The following RAD54B variants were observed in gnomAD, a reference collection of about 807,000 sequenced individuals.
RAD54B encodes the protein RAD54 homolog B, also known as DNA repair and recombination protein RAD54B.
Under a neutral mutation model 95.8 loss-of-function variants are expected in RAD54B, and 78 were observed. The observed-to-expected ratio is 0.81, with a 90% confidence interval of 0.68 to 0.98. RAD54B has a LOEUF of 0.98. Among genes scored for constraint, RAD54B ranks in the 50% least tolerant of loss-of-function variants. RAD54B has a pLI of 0.00. For synonymous variants in RAD54B, 328 were observed against 354.9 expected, an observed-to-expected ratio of 0.92 and a Z score of 0.85; for missense variants, 957 against 1,056.6, an observed-to-expected ratio of 0.91 and a Z score of 1.31.
Position 94,435,089 on chromosome 8 carries a change from C to T in RAD54B, c.304+23179G>A, listed in dbSNP as rs547603806. On this transcript the variant is annotated intron_variant, in intron 3 of 14. Coordinates refer to ENST00000336148, the MANE Select transcript of RAD54B (RefSeq NM_012415.3). ...ACCAAAGGGTACAGTTTTATACCTG[C>T]GATGCAAAAAACACTTTTCTCCATG... is the stretch of plus-strand genomic sequence containing the variant. 5.3e-4 allele frequency among the ~76,000 whole-genome samples: 80 copies of T among 151,976 alleles called. 2 individuals are homozygous for T. In the East Asian group the frequency reaches 8.9e-3, roughly 17 times the overall value.
intron 3 of RAD54B, among the ~76,000 whole-genome samples, chr8:94,424,281 C>T (rs1171872780): frequency 6.6e-6 from 1 of 152,182 alleles, no homozygotes; most frequent in Non-Finnish European, 1.5e-5. Context: ...AGTTACTTAA[C>T]ACCTTTGTGC....
chr8:94,463,777 T>A (rs889006829), intron 2 of RAD54B, among the ~76,000 whole-genome samples: 3 of 150,930 alleles, frequency 2.0e-5, no homozygotes, highest in Admixed American at 6.6e-5. Flanking sequence ...AATTTAAAAA[T>A]GATGGCACAT....
At chr8:94,449,035 TACACACATGCATGC>T (rs1476122646) in intron 3 of RAD54B, among the ~76,000 whole-genome samples, 2 of 131,860 alleles carry the variant, frequency 1.5e-5, no homozygotes, top group African/African-American at 6.1e-5. Flanking sequence ...TGCATATACA[TACACACATGCATGC>T]ACACACACAC....
At chr8:94,452,882 T>G (rs1321657670) in intron 3 of RAD54B, among the ~76,000 whole-genome samples, 1 of 152,188 alleles carries the variant, frequency 6.6e-6, no homozygotes, top group African/African-American at 2.4e-5. Context: ...TAACACTGTT[T>G]AACTTAGATT....
At chr8:94,406,226 T>C (rs1245146790) in intron 5 of RAD54B, among the ~76,000 whole-genome samples, 1 of 152,114 alleles carries the variant, frequency 6.6e-6, no homozygotes, top group Non-Finnish European at 1.5e-5. Flanking sequence ...TTAGGAAGGT[T>C]AGTGACTACC....
At chr8:94,466,081 T>C (rs1056509308) in intron 2 of RAD54B, among the ~76,000 whole-genome samples, 3 of 152,194 alleles carry the variant, frequency 2.0e-5, no homozygotes, top group South Asian at 2.1e-4. Context: ...TGGAAACAGA[T>C]TGTGGTGATG....
At chr8:94,461,133 A>C (rs984126261) in intron 2 of RAD54B, among the ~76,000 whole-genome samples, 4 of 148,060 alleles carry the variant, frequency 2.7e-5, no homozygotes, top group Non-Finnish European at 6.0e-5. Flanking sequence ...TAATAGGCAA[A>C]GTTGTCATGT....
rs551772003 is a variant in RAD54B, at chr8:94,467,816, T to C, written c.-16-261A>G. On this transcript the variant is annotated intron_variant, in intron 1 of 14. Coordinates refer to ENST00000336148, the MANE Select transcript of RAD54B (RefSeq NM_012415.3). Reference sequence around the variant, plus strand: ...AAAATAATGGTGAGGGAAGTTAGATTGACAAAATGTTTGGTTCCCTCTAGA... The same window carrying C: ...AAAATAATGGTGAGGGAAGTTAGATCGACAAAATGTTTGGTTCCCTCTAGA... The C allele has an allele frequency of 1.5e-5, 4 of 273,764 alleles. No homozygotes were observed. In the South Asian group the frequency reaches 3.9e-4, roughly 27 times the overall value. The allele number at this position is 273,764 out of a possible 1,614,324, so 17.0% of individuals were successfully genotyped here.
intron 3 of RAD54B, among the ~76,000 whole-genome samples, chr8:94,434,437 A>C (rs143808824): frequency 3.3e-5 from 5 of 152,072 alleles, no homozygotes; most frequent in Admixed American, 3.3e-4. Context: ...AACACAAAAT[A>C]TAAACTGATA....
At chr8:94,455,054 C>T (rs1812750063) in intron 3 of RAD54B, among the ~76,000 whole-genome samples, 1 of 152,182 alleles carries the variant, frequency 6.6e-6, no homozygotes, top group Admixed American at 6.5e-5. Context: ...CCCTACCATT[C>T]CTCGAGATAC....
chr8:94,449,023 C>T (rs972230347), intron 3 of RAD54B, among the ~76,000 whole-genome samples: 2 of 145,490 alleles, frequency 1.4e-5, no homozygotes, highest in Non-Finnish European at 3.0e-5. Flanking sequence ...CGTGTGTGCA[C>T]ATGCATATAC....
At chr8:94,398,462 G>A (rs1240701540) in intron 8 of RAD54B, among the ~76,000 whole-genome samples, 1 of 151,936 alleles carries the variant, frequency 6.6e-6, no homozygotes, top group Non-Finnish European at 1.5e-5. Flanking sequence ...ATAGGAAGGA[G>A]GTACAAGTTT....
At chr8:94,441,526 CAA>C (rs1420771053) in intron 3 of RAD54B, among the ~76,000 whole-genome samples, 1 of 152,152 alleles carries the variant, frequency 6.6e-6, no homozygotes, top group African/African-American at 2.4e-5. Context: ...GGAAGGGACA[CAA>C]AGTTTCCATG....
At chr8:94,457,851 G>C (rs1311817945) in intron 3 of RAD54B, among the ~76,000 whole-genome samples, 2 of 152,090 alleles carry the variant, frequency 1.3e-5, no homozygotes, top group Admixed American at 6.5e-5. Flanking sequence ...TTTCATGCAA[G>C]TATGTATCAT....
intron 8 of RAD54B, among the ~76,000 whole-genome samples, chr8:94,397,842 G>T (rs1811183953): frequency 6.6e-6 from 1 of 151,758 alleles, no homozygotes; most frequent in Non-Finnish European, 1.5e-5. Flanking sequence ...AGAAGAAACA[G>T]TCTTTTTCTC....
intron 3 of RAD54B, among the ~76,000 whole-genome samples, chr8:94,440,435 A>G (rs1812371717): frequency 6.6e-6 from 1 of 152,366 alleles, no homozygotes; most frequent in South Asian, 2.1e-4. Flanking sequence ...AAAGCAGACT[A>G]TGAAAAGGTA....
At chr8:94,447,782 T>C (rs1391385085) in intron 3 of RAD54B, among the ~76,000 whole-genome samples, 1 of 152,200 alleles carries the variant, frequency 6.6e-6, no homozygotes, top group Non-Finnish European at 1.5e-5. Flanking sequence ...CCACAGTAGT[T>C]GCTGGGATCC....
intron 3 of RAD54B, chr8:94,436,450 T>G: frequency 6.7e-7 from 1 of 1,484,706 alleles, no homozygotes; most frequent in East Asian, 2.5e-5. Flanking sequence ...GCCCAATAGA[T>G]AGGAGGCGCC....
chr8:94,447,023 A>G (rs1484445246), intron 3 of RAD54B, among the ~76,000 whole-genome samples: 4 of 152,130 alleles, frequency 2.6e-5, no homozygotes, highest in Non-Finnish European at 5.9e-5. Context: ...AAACTAGGGT[A>G]AATCCAATCT....
Sources: allele counts gnomAD v4.1 joint callset (sites outside exome capture counted in the v4.1 genomes callset), GRCh38; gene constraint gnomAD v4.1.1; transcripts MANE v1.5; gene names NCBI Gene and HGNC (gene_info 2026-07-23, HGNC 2026-07-21).